The following TASP1 variants were observed in gnomAD, a reference collection of about 807,000 sequenced individuals.
The protein encoded by TASP1 is threonine aspartase 1.
TASP1 carries 16 observed loss-of-function variants against 56.6 expected under a neutral mutation model. The observed-to-expected ratio is 0.28, with a 90% CI of 0.19 to 0.43. The LOEUF is 0.43. TASP1 is among the 20% of genes least tolerant of loss of function. The pLI is 1.00. For synonymous variants in TASP1, 179 were observed against 184.2 expected (o/e 0.97, Z 0.23); for missense variants, 393 against 511.6 (o/e 0.77, Z 2.24).
chr20:13,491,528 C>T (rs2043525262), intron 10 of TASP1, among the ~76,000 whole-genome samples: 1 of 152,088 alleles, frequency 6.6e-6, no homozygotes, highest in South Asian at 2.1e-4. Flanking sequence ...GTTGCCTGAC[C>T]TTCATCACAC....
At chr20:13,603,178 C>A (rs1405151040) in intron 4 of TASP1, among the ~76,000 whole-genome samples, 2 of 151,840 alleles carry the variant, frequency 1.3e-5, no homozygotes, top group African/African-American at 4.8e-5. Context: ...CTGCAGTGAG[C>A]TGAGATCACA....
the TASP1 span, chr20:13,299,181 C>A: frequency 6.2e-7 from 1 of 1,607,152 alleles, no homozygotes; most frequent in Non-Finnish European, 8.5e-7. This position sits in a 1 kb window ranked among gnomAD's most constrained non-coding sequence, Gnocchi z 5.8. Context: ...CCGCTCCATG[C>A]TGTCCCTGGA....
the TASP1 span, chr20:13,222,050 T>A: frequency 1.1e-6 from 1 of 880,164 alleles, no homozygotes; most frequent in Non-Finnish European, 1.5e-6. Context: ...GGCAGTAGTT[T>A]TGCCCGGGCC....
the TASP1 span, chr20:13,168,388 G>A: frequency 1.3e-5 from 2 of 151,994 alleles, no homozygotes; most frequent in Non-Finnish European, 2.9e-5. Flanking sequence ...TTTCCCTGTT[G>A]GTCAGGCTGG....
At chr20:13,227,980 T>TTTTTTTTTTTTTTC in the TASP1 span, among the ~76,000 whole-genome samples, 1 of 150,856 alleles carries the variant, frequency 6.6e-6, no homozygotes, top group Non-Finnish European at 1.5e-5. Flanking sequence ...TTTTTTTCTT[T>TTTTTTTTTTTTTTC]TTGAGATGGA....
At chr20:13,433,111 T>C (rs1004035980) in intron 12 of TASP1, among the ~76,000 whole-genome samples, 2 of 152,256 alleles carry the variant, frequency 1.3e-5, no homozygotes, top group South Asian at 2.1e-4. Context: ...TTTCTCCTAA[T>C]GCTATCCGTC....
At chr20:13,551,744 C>T (rs914577645) in intron 8 of TASP1, among the ~76,000 whole-genome samples, 1 of 152,204 alleles carries the variant, frequency 6.6e-6, no homozygotes, top group African/African-American at 2.4e-5. Context: ...GAGTTAAACA[C>T]TTCATTCCAA....
chr20:13,149,279 C>T, the TASP1 span, among the ~76,000 whole-genome samples: 1 of 152,204 alleles, frequency 6.6e-6, no homozygotes, highest in African/African-American at 2.4e-5. Context: ...GGCCGCAGTG[C>T]CCAATCTCCA....
chr20:13,298,831 A>C, the TASP1 span: 1 of 1,022,992 alleles, frequency 9.8e-7, no homozygotes, highest in African/African-American at 1.6e-5. Context: ...TGTTGACTTT[A>C]GTGTCCTCCT....
At chr20:13,566,616 C>A (rs73268976) in intron 7 of TASP1, among the ~76,000 whole-genome samples, 63 of 150,894 alleles carry the variant, frequency 4.2e-4, no homozygotes, top group African/African-American at 1.4e-3. Context: ...ATATTACATT[C>A]TTGAAATGAC....
chr20:13,480,574 G>C (rs1057481084), intron 11 of TASP1, among the ~76,000 whole-genome samples: 1 of 152,192 alleles, frequency 6.6e-6, no homozygotes, highest in Admixed American at 6.5e-5. Flanking sequence ...GTGGCAAGAT[G>C]AAATACTGCA....
chr20:13,230,238 C>T, the TASP1 span, among the ~76,000 whole-genome samples: 1 of 152,136 alleles, frequency 6.6e-6, no homozygotes, highest in Admixed American at 6.5e-5. Flanking sequence ...AACATTTTTC[C>T]TCTGATATGC....
At chr20:13,216,449 G>A in the TASP1 span, among the ~76,000 whole-genome samples, 4 of 152,108 alleles carry the variant, frequency 2.6e-5, no homozygotes, top group Non-Finnish European at 5.9e-5. Context: ...CTGTATACAC[G>A]AAATTTTATT....
chr20:13,150,637 C>G, the TASP1 span, among the ~76,000 whole-genome samples: 1 of 152,192 alleles, frequency 6.6e-6, no homozygotes, highest in Non-Finnish European at 1.5e-5. Flanking sequence ...CTTTCAGATT[C>G]ATCCTACTCC....
At chr20:13,168,696 C>T in the TASP1 span, 2 of 152,132 alleles carry the variant, frequency 1.3e-5, no homozygotes, top group South Asian at 4.1e-4. Context: ...GATGATGAAA[C>T]ATTAACTCTT....
the TASP1 span, among the ~76,000 whole-genome samples, chr20:13,351,057 A>G: frequency 6.6e-5 from 10 of 152,304 alleles, no homozygotes; most frequent in South Asian, 2.1e-3. Context: ...AGATATAAGG[A>G]TGGCAAATAA....
At chr20:13,539,284 C>G (rs2045531413) in intron 8 of TASP1, among the ~76,000 whole-genome samples, 2 of 152,070 alleles carry the variant, frequency 1.3e-5, no homozygotes, top group African/African-American at 4.8e-5. Flanking sequence ...CTTTGCAACA[C>G]TATACAAATT....
the TASP1 span, among the ~76,000 whole-genome samples, chr20:13,212,404 T>G: frequency 2.0e-3 from 310 of 152,308 alleles, 3 homozygotes; most frequent in Non-Finnish European, 1.6e-3. Flanking sequence ...GGAGGGATTG[T>G]TTGTTATAGC....
chr20:13,549,734 T>C (rs1397920246), intron 8 of TASP1, among the ~76,000 whole-genome samples: 1 of 152,134 alleles, frequency 6.6e-6, no homozygotes, highest in African/African-American at 2.4e-5. Flanking sequence ...GGTGACTTGA[T>C]ATTATACACA....
Sources: allele counts gnomAD v4.1 joint callset (sites outside exome capture counted in the v4.1 genomes callset), GRCh38; gene constraint gnomAD v4.1.1; non-coding constraint Gnocchi (gnomAD v3.1); transcripts MANE v1.5; gene names NCBI Gene and HGNC (gene_info 2026-07-23, HGNC 2026-07-21).